The following LRP2 variants were observed in gnomAD, a reference collection of about 807,000 sequenced individuals.
LRP2 encodes the protein low-density lipoprotein receptor-related protein 2.
Under a neutral mutation model 531.0 loss-of-function variants are expected in LRP2, and 172 were observed. The observed-to-expected ratio is 0.32, with a 90% CI of 0.29 to 0.37. LRP2 has a LOEUF of 0.37. Among genes scored for constraint, LRP2 ranks in the 10% least tolerant of loss-of-function variants. The pLI is 1.00. For missense variants in LRP2, 5,167 were observed against 5,868.3 expected (o/e 0.88, Z 3.90); for synonymous variants, 1,992 against 2,027.6 (o/e 0.98, Z 0.47).
chr2:169,204,569 G>C (rs890178960), intron 41 of LRP2, among the ~76,000 whole-genome samples: 1 of 152,178 alleles, frequency 6.6e-6, no homozygotes, highest in Non-Finnish European at 1.5e-5. Flanking sequence ...ATGGAACTCA[G>C]TGTTAAGCAC....
chr2:169,287,136 G>A (rs560284320), intron 9 of LRP2, among the ~76,000 whole-genome samples: 8 of 152,152 alleles, frequency 5.3e-5, no homozygotes, highest in Non-Finnish European at 1.0e-4. Flanking sequence ...ACCAATAAGG[G>A]CATTCGTGTG....
intron 41 of LRP2, 85 bp from the exon 42 acceptor site, chr2:169,204,356 C>A: frequency 8.0e-7 from 1 of 1,250,798 alleles, no homozygotes; most frequent in South Asian, 1.2e-5. Context: ...TGCGCCTCAT[C>A]ATTGTTTACA....
chr2:169,295,320 G>A (rs1022731369), intron 4 of LRP2, among the ~76,000 whole-genome samples: 15 of 152,168 alleles, frequency 9.9e-5, no homozygotes, highest in Non-Finnish European at 1.8e-4. Flanking sequence ...ACAGGGTAGA[G>A]CGGCCTGAAA....
chr2:169,332,842 T>C (rs993813034), intron 1 of LRP2, among the ~76,000 whole-genome samples: 1 of 152,206 alleles, frequency 6.6e-6, no homozygotes, highest in African/African-American at 2.4e-5. Flanking sequence ...GAAATGTTTA[T>C]GCTTGGTGAT....
At chr2:169,356,613 C>A (rs1289740502) in intron 1 of LRP2, among the ~76,000 whole-genome samples, 1 of 152,200 alleles carries the variant, frequency 6.6e-6, no homozygotes, top group Admixed American at 6.5e-5. Context: ...GGAATCAAAC[C>A]AAGATCCTCC....
At chr2:169,132,145 T>C (rs1685315255) in intron 77 of LRP2, among the ~76,000 whole-genome samples, 1 of 152,204 alleles carries the variant, frequency 6.6e-6, no homozygotes, top group African/African-American at 2.4e-5. Context: ...AGATCTGTAA[T>C]AGCAGGAGAG....
intron 35 of LRP2, among the ~76,000 whole-genome samples, chr2:169,214,083 A>C (rs1688693853): frequency 6.6e-6 from 1 of 152,270 alleles, no homozygotes; most frequent in African/African-American, 2.4e-5. Flanking sequence ...TTGATAATGA[A>C]GACGGAGCTC....
At chr2:169,318,629 C>G (rs573674780) in intron 3 of LRP2, 133 bp downstream of exon 3, 1 of 1,245,682 alleles carries the variant, frequency 8.0e-7, no homozygotes, top group East Asian at 2.3e-5. Context: ...AGATTGCTGG[C>G]ATAGGTTCCC....
At position 169,157,366 on chromosome 2, in the gene LRP2, T is replaced by C; in HGVS notation, c.12019+5A>G. 2 of 1,612,928 alleles carry C rather than the reference T, an allele frequency of 1.2e-6. No individual in the cohort carries two copies. The highest frequency in any genetic ancestry group is 2.2e-5 in the South Asian group (2 of 91,028). On this transcript the variant is annotated splice_donor_5th_base_variant and intron_variant, in intron 64 of 78. Transcript: ENST00000649046. ...TAAACAGGAATTGGAAAAAATATAC[T>C]CTACCTAGACAGGAGGTTCTGTCAA...
chr2:169,237,369 A>G (rs898099803), intron 27 of LRP2, 82 bp from the exon 28 acceptor site: 20 of 1,129,838 alleles, frequency 1.8e-5, no homozygotes, highest in Non-Finnish European at 2.6e-5. Context: ...AATCTAGATT[A>G]AACCATCTAA....
At chr2:169,318,706 A>C in intron 3 of LRP2, 56 bp downstream of exon 3, 1 of 1,612,952 alleles carries the variant, frequency 6.2e-7, no homozygotes, top group Non-Finnish European at 8.5e-7. Context: ...TCTTTGCGAC[A>C]GGTTGGGTTT....
At chr2:169,303,573 T>A (rs1684338614) in intron 4 of LRP2, among the ~76,000 whole-genome samples, 1 of 152,226 alleles carries the variant, frequency 6.6e-6, no homozygotes, top group Non-Finnish European at 1.5e-5. Context: ...TTCTAAGGAC[T>A]TTGATCGAGG....
intron 67 of LRP2, 91 bp downstream of exon 67, chr2:169,152,708 G>A: frequency 1.4e-6 from 2 of 1,454,622 alleles, no homozygotes; most frequent in Non-Finnish European, 1.9e-6. Context: ...CTCATATCCA[G>A]GCCCAGACTC....
At chr2:169,261,506 T>A (rs571801393) in intron 16 of LRP2, among the ~76,000 whole-genome samples, 26 of 147,338 alleles carry the variant, frequency 1.8e-4, no homozygotes, top group Admixed American at 1.5e-3. Context: ...TTCCTGCATA[T>A]ACTGTGTACT....
At chr2:169,145,339 T>C (rs528911537) in intron 70 of LRP2, among the ~76,000 whole-genome samples, 122 of 152,326 alleles carry the variant, frequency 8.0e-4, no homozygotes, top group Non-Finnish European at 1.4e-3. Flanking sequence ...ATATCTCAGG[T>C]TGACCTGACT....
In LRP2 at chr2:169,128,831, C is replaced by T; in HGVS notation, c.13801-1G>A. On this transcript the variant is annotated splice_acceptor_variant, in intron 78 of 78. Coordinates refer to ENST00000649046, the MANE Select transcript of LRP2 (RefSeq NM_004525.3). LOFTEE classifies it high-confidence loss of function. The stretch of plus-strand genomic sequence containing the variant: ...CACTTTCCTTTTGCTCGTTCTCCAT[C>T]TAAGAATACAATGTAACAGGAATCA... 1 of 1,614,084 alleles carries T rather than the reference C, an allele frequency of 6.2e-7. No individual in the cohort carries two copies. The highest frequency in any genetic ancestry group is 8.5e-7 in the Non-Finnish European group (1 of 1,179,976).
chr2:169,244,938 A>G lies in LRP2; in HGVS notation c.3191-6T>C. ...CGAAGATGAACAGGTATTATCTACA[A>G]TAGTAACAAACTGGTCATGAAGACA... On this transcript the variant is annotated splice_polypyrimidine_tract_variant and splice_region_variant and intron_variant, in intron 21 of 78. Transcript: ENST00000649046. 1 of 1,614,174 alleles carries G rather than the reference A, an allele frequency of 6.2e-7. No individual in the cohort carries two copies. Among genetic ancestry groups the G allele is most frequent in the East Asian group, 2.2e-5 (1 of 44,886 alleles).
intron 63 of LRP2, among the ~76,000 whole-genome samples, chr2:169,160,318 G>A (rs555727278): frequency 7.9e-5 from 12 of 152,142 alleles, no homozygotes; most frequent in South Asian, 4.1e-4. Flanking sequence ...GTGAGATAAC[G>A]GATATGTTAA....
intron 4 of LRP2, among the ~76,000 whole-genome samples, chr2:169,296,798 C>T (rs1357138515): frequency 1.3e-5 from 2 of 152,252 alleles, no homozygotes; most frequent in East Asian, 3.9e-4. Flanking sequence ...ACTGTAACCA[C>T]TGACATGACT....
Sources: gnomAD v4.1 joint callset for allele counts (sites outside exome capture counted in the v4.1 genomes callset) on GRCh38, gnomAD v4.1.1 for gene constraint, MANE v1.5 for transcripts, NCBI Gene and HGNC (gene_info 2026-07-23, HGNC 2026-07-21) for gene names.